Variants in TENM2 observed in about 807,000 individuals in gnomAD.
TENM2 encodes the protein teneurin-2.
In TENM2, 52 loss-of-function variants were observed where a neutral mutation model predicts 245.2. The ratio of observed to expected loss-of-function variants is 0.21; its 90% CI spans 0.17 to 0.27. TENM2 has a LOEUF of 0.27. Among genes scored for constraint, TENM2 ranks in the 10% least tolerant of loss-of-function variants. The pLI, the probability that TENM2 is intolerant of heterozygous loss-of-function variation, is 1.00. For missense variants in TENM2, 3,046 were observed against 3,666.8 expected (o/e 0.83, Z 4.37); for synonymous variants, 1,363 against 1,438.9 (o/e 0.95, Z 1.19).
At chr5:168,201,278 T>TTG (rs770023260) in intron 17 of TENM2, among the ~76,000 whole-genome samples, 10 of 151,526 alleles carry the variant, frequency 6.6e-5, no homozygotes, top group Admixed American at 2.0e-4. Flanking sequence ...ATATGTATAT[T>TTG]TGTGTGTGTG....
At chr5:167,842,369 A>T (rs958570835) in intron 2 of TENM2, among the ~76,000 whole-genome samples, 7 of 152,080 alleles carry the variant, frequency 4.6e-5, no homozygotes, top group African/African-American at 7.2e-5. Flanking sequence ...CGGTTGGATC[A>T]CCTGAGGTCA....
chr5:167,195,528 A>G, the TENM2 span, among the ~76,000 whole-genome samples: 1 of 152,050 alleles, frequency 6.6e-6, no homozygotes, highest in Non-Finnish European at 1.5e-5. Context: ...GCTACAGACA[A>G]CATGTACATG....
At chr5:167,918,022 A>T (rs1777078676) in intron 3 of TENM2, among the ~76,000 whole-genome samples, 1 of 152,200 alleles carries the variant, frequency 6.6e-6, no homozygotes, top group African/African-American at 2.4e-5. Context: ...AACAACAATC[A>T]CTGCTTACTG....
At chr5:167,663,374 T>C (rs1755369709) in intron 2 of TENM2, among the ~76,000 whole-genome samples, 1 of 152,234 alleles carries the variant, frequency 6.6e-6, no homozygotes, top group South Asian at 2.1e-4. Context: ...TAGGTTGCTA[T>C]TTATTTTTCC....
rs971764306 is a variant in TENM2, at chr5:167,514,270, A to G, written c.502+138797A>G. 4.6e-5 allele frequency among the ~76,000 whole-genome samples: 7 copies of G among 152,184 alleles called. 1 individual carries two copies. Among genetic ancestry groups the G allele is most frequent in the Admixed American group, 2.6e-4 (4 of 15,276 alleles). On this transcript the variant is annotated intron_variant, in intron 2 of 28. Transcript: ENST00000518659. ...TTGCCCTTAAGGAGCCAACCATACTACAGAGAAAACACGGAAGTGAACAGC... is the reference window on the plus strand; with the variant it reads ...TTGCCCTTAAGGAGCCAACCATACTGCAGAGAAAACACGGAAGTGAACAGC...
the TENM2 span, among the ~76,000 whole-genome samples, chr5:167,120,527 A>C: frequency 2.0e-5 from 3 of 152,194 alleles, no homozygotes; most frequent in African/African-American, 7.2e-5. Flanking sequence ...AAAATAAGTA[A>C]TTAGTCATCA....
intron 2 of TENM2, among the ~76,000 whole-genome samples, chr5:167,763,843 G>A (rs1038253358): frequency 9.9e-5 from 15 of 152,198 alleles, no homozygotes; most frequent in Admixed American, 7.9e-4. Context: ...TTAATTTACA[G>A]TGAGCATTTT....
intron 12 of TENM2, among the ~76,000 whole-genome samples, chr5:168,134,546 G>T (rs532285701): frequency 2.0e-5 from 3 of 152,218 alleles, no homozygotes; most frequent in South Asian, 4.1e-4. Context: ...AATTAGCTGG[G>T]TGTGGTGGCG....
intron 6 of TENM2, among the ~76,000 whole-genome samples, chr5:168,057,339 A>T (rs1234922328): frequency 1.4e-5 from 2 of 144,712 alleles, no homozygotes; most frequent in Non-Finnish European, 1.5e-5. Context: ...ACACTCACTC[A>T]CACTCACACT....
At chr5:167,515,169 A>G (rs962535286) in intron 2 of TENM2, among the ~76,000 whole-genome samples, 14 of 152,190 alleles carry the variant, frequency 9.2e-5, no homozygotes, top group Non-Finnish European at 2.1e-4. Context: ...TCTGATAGAT[A>G]ATGTCATTGG....
At chr5:168,184,714 C>T (rs913221608) in intron 13 of TENM2, among the ~76,000 whole-genome samples, 6 of 152,214 alleles carry the variant, frequency 3.9e-5, no homozygotes, top group South Asian at 2.1e-4. Context: ...GATCCAGATG[C>T]TTATTGTGGC....
intron 5 of TENM2, among the ~76,000 whole-genome samples, chr5:168,031,124 T>A (rs534576824): frequency 6.6e-6 from 1 of 152,332 alleles, no homozygotes; most frequent in South Asian, 2.1e-4. Flanking sequence ...GGTTCCTCTG[T>A]CAAGCTTCAC....
chr5:167,694,109 A>G (rs1206319287), intron 2 of TENM2, among the ~76,000 whole-genome samples: 3 of 152,200 alleles, frequency 2.0e-5, no homozygotes, highest in Non-Finnish European at 4.4e-5. Context: ...TCAGCCTCCT[A>G]AATCGACATC....
intron 2 of TENM2, among the ~76,000 whole-genome samples, chr5:167,861,535 G>A (rs1326514188): frequency 6.6e-6 from 1 of 152,198 alleles, no homozygotes; most frequent in African/African-American, 2.4e-5. Flanking sequence ...CCGTCCTAAT[G>A]TCAGCCTGCT....
intron 3 of TENM2, among the ~76,000 whole-genome samples, chr5:167,877,977 A>T (rs1223579793): frequency 1.3e-5 from 2 of 152,214 alleles, no homozygotes; most frequent in Non-Finnish European, 2.9e-5. Context: ...ACCTGCTGAT[A>T]GCTTTTTAAA....
At chr5:167,646,156 CATAT>C (rs70976441) in intron 2 of TENM2, among the ~76,000 whole-genome samples, 14 of 97,834 alleles carry the variant, frequency 1.4e-4, no homozygotes, top group African/African-American at 3.3e-4. Flanking sequence ...ATGTTGTTTT[CATAT>C]ATATATATGT....
At chr5:167,388,162 G>A (rs572787728) in intron 2 of TENM2, among the ~76,000 whole-genome samples, 10 of 151,946 alleles carry the variant, frequency 6.6e-5, no homozygotes, top group African/African-American at 2.2e-4. Flanking sequence ...TTCTTTTTCG[G>A]TAACTTTTAA....
At chr5:167,989,136 T>C (rs1490175448) in intron 4 of TENM2, among the ~76,000 whole-genome samples, 1 of 152,126 alleles carries the variant, frequency 6.6e-6, no homozygotes, top group Non-Finnish European at 1.5e-5. Context: ...GTTCACATTC[T>C]GGTTGGGGAT....
At chr5:167,388,995 G>C (rs1761603104) in intron 2 of TENM2, among the ~76,000 whole-genome samples, 1 of 151,844 alleles carries the variant, frequency 6.6e-6, no homozygotes, top group Non-Finnish European at 1.5e-5. Context: ...AAAAAATATT[G>C]TTCTCTGTGT....
Sources: gnomAD v4.1 joint callset for allele counts (sites outside exome capture counted in the v4.1 genomes callset) on GRCh38, gnomAD v4.1.1 for gene constraint, MANE v1.5 for transcripts, NCBI Gene and HGNC (gene_info 2026-07-23, HGNC 2026-07-21) for gene names.